TDRD3: variants seen among roughly 807,000 people sequenced by gnomAD.
TDRD3 encodes the protein tudor domain-containing protein 3.
Under a neutral mutation model 86.7 loss-of-function variants are expected in TDRD3, and 45 were observed. The observed-to-expected ratio is 0.52, with a 90% CI of 0.41 to 0.67. TDRD3 has a LOEUF of 0.67. Ranked by LOEUF, TDRD3 falls within the 30% of genes least tolerant of loss-of-function variation. The probability of loss-of-function intolerance (pLI) is 0.00; values close to 1 mark genes in which losing one functional copy is unlikely to be tolerated. For synonymous variants in TDRD3, 298 were observed against 301.7 expected (o/e 0.99, Z 0.13); for missense variants, 814 against 889.0 (o/e 0.92, Z 1.07).
At chr13:60,448,900 A>G (rs142979700) in intron 3 of TDRD3, among the ~76,000 whole-genome samples, 2 of 152,320 alleles carry the variant, frequency 1.3e-5, no homozygotes, top group East Asian at 1.9e-4. Flanking sequence ...TTTCTTATCA[A>G]TTCAGCTACT....
intron 2 of TDRD3, among the ~76,000 whole-genome samples, chr13:60,443,336 ATTTC>A (rs1285781129): frequency 6.6e-6 from 1 of 151,978 alleles, no homozygotes; most frequent in Non-Finnish European, 1.5e-5. Flanking sequence ...TACGGTTTAT[ATTTC>A]TTTTAATTCT....
chr13:60,480,733 C>T (rs1015366803), intron 5 of TDRD3, among the ~76,000 whole-genome samples: 11 of 151,888 alleles, frequency 7.2e-5, no homozygotes, highest in African/African-American at 2.2e-4. Flanking sequence ...AGGGGAATGC[C>T]ATGGGTGTGG....
At chr13:60,571,964 G>C (rs966632463) in intron 13 of TDRD3, among the ~76,000 whole-genome samples, 2 of 152,162 alleles carry the variant, frequency 1.3e-5, no homozygotes, top group African/African-American at 2.4e-5. Flanking sequence ...CAAACTTCTA[G>C]TTCCTGGACA....
intron 8 of TDRD3, among the ~76,000 whole-genome samples, chr13:60,498,204 C>T (rs749213443): frequency 2.0e-5 from 3 of 152,082 alleles, no homozygotes; most frequent in Non-Finnish European, 2.9e-5. Context: ...CCTTGAGCAA[C>T]GCCTTGCAAA....
intron 1 of TDRD3, among the ~76,000 whole-genome samples, chr13:60,430,995 T>G (rs1355885925): frequency 6.6e-6 from 1 of 152,108 alleles, no homozygotes; most frequent in Non-Finnish European, 1.5e-5. Flanking sequence ...GTGTACTTTA[T>G]TTTTATAAAA....
At chr13:60,478,801 CTTT>C (rs202146264) in intron 5 of TDRD3, among the ~76,000 whole-genome samples, 2 of 104,420 alleles carry the variant, frequency 1.9e-5, no homozygotes, top group African/African-American at 3.7e-5. Context: ...AATTTGAGGA[CTTT>C]TTTTTTTTTT....
intron 5 of TDRD3, among the ~76,000 whole-genome samples, chr13:60,480,676 G>T (rs1260817103): frequency 7.9e-5 from 12 of 152,166 alleles, no homozygotes; most frequent in Non-Finnish European, 1.6e-4. Flanking sequence ...TAGAGGTTTT[G>T]TTCATTTTCT....
intron 6 of TDRD3, among the ~76,000 whole-genome samples, chr13:60,485,344 G>A (rs1355948271): frequency 6.6e-6 from 1 of 151,852 alleles, no homozygotes; most frequent in African/African-American, 2.4e-5. Context: ...TTAGAGTGTG[G>A]TTTATAAGTG....
chr13:60,432,663 T>G (rs79727921), intron 1 of TDRD3, among the ~76,000 whole-genome samples: 6,273 of 152,258 alleles, frequency 0.041, 166 homozygotes, highest in Non-Finnish European at 0.058. Flanking sequence ...AAAAATATCT[T>G]TACAACATTG....
intron 10 of TDRD3, among the ~76,000 whole-genome samples, chr13:60,512,738 A>C (rs2137674319): frequency 6.6e-6 from 1 of 152,308 alleles, no homozygotes; most frequent in African/African-American, 2.4e-5. Flanking sequence ...GGTTATACGG[A>C]TGAAAGAGGA....
chr13:60,514,592 G>A (rs964429309), intron 10 of TDRD3, among the ~76,000 whole-genome samples: 1 of 152,166 alleles, frequency 6.6e-6, no homozygotes, highest in Non-Finnish European at 1.5e-5. Context: ...GAGGGGAAGT[G>A]TTGGGGCAGT....
chr13:60,397,168 G>A (rs1467745011), upstream of TDRD3: 3 of 407,306 alleles, frequency 7.4e-6, no homozygotes, highest in East Asian at 3.6e-5. Context: ...CGGCCCCTAC[G>A]GCCGCTCAGA....
intron 4 of TDRD3, among the ~76,000 whole-genome samples, chr13:60,464,599 C>T (rs547052427): frequency 1.3e-5 from 2 of 152,126 alleles, no homozygotes; most frequent in South Asian, 2.1e-4. Flanking sequence ...CACACACACA[C>T]ATACACTGGA....
At chr13:60,456,139 G>A (rs1256633176) in intron 3 of TDRD3, among the ~76,000 whole-genome samples, 1 of 151,018 alleles carries the variant, frequency 6.6e-6, no homozygotes, top group Admixed American at 6.6e-5. Context: ...ATGGTTTCTA[G>A]AGTTAAGAAA....
At chr13:60,554,268 GCT>G (rs1174761241) in intron 12 of TDRD3, among the ~76,000 whole-genome samples, 1 of 152,176 alleles carries the variant, frequency 6.6e-6, no homozygotes, top group East Asian at 1.9e-4. Flanking sequence ...AGACTGTCAT[GCT>G]CTTATTCAAA....
chr13:60,505,045 T>C (rs1468345385), intron 8 of TDRD3, among the ~76,000 whole-genome samples: 2 of 152,148 alleles, frequency 1.3e-5, no homozygotes, highest in African/African-American at 4.8e-5. Flanking sequence ...CTGCAGGAGT[T>C]ATTTTTTCAT....
chr13:60,571,620 G>A (rs1365608930), intron 13 of TDRD3, among the ~76,000 whole-genome samples: 1 of 152,166 alleles, frequency 6.6e-6, no homozygotes, highest in Admixed American at 6.5e-5. Context: ...CATGGTAGCT[G>A]TTCAGTAAGT....
intron 7 of TDRD3, among the ~76,000 whole-genome samples, chr13:60,490,172 A>G (rs1362269089): frequency 1.3e-5 from 2 of 151,520 alleles, no homozygotes; most frequent in East Asian, 3.9e-4. Flanking sequence ...ATCCAGTGAT[A>G]ATTGTAGGAC....
At chr13:60,401,659 A>G (rs1254286432) in intron 1 of TDRD3, among the ~76,000 whole-genome samples, 1 of 152,212 alleles carries the variant, frequency 6.6e-6, no homozygotes, top group Non-Finnish European at 1.5e-5. Context: ...GGTGTTAGCC[A>G]TGGAGTACTC....
Sources: gnomAD v4.1 joint callset for allele counts (sites outside exome capture counted in the v4.1 genomes callset) on GRCh38, gnomAD v4.1.1 for gene constraint, MANE v1.5 for transcripts, NCBI Gene and HGNC (gene_info 2026-07-23, HGNC 2026-07-21) for gene names.